The following CSMD2 variants were observed in gnomAD, a reference collection of about 807,000 sequenced individuals.
CSMD2 encodes CUB and sushi domain-containing protein 2.
A neutral mutation model predicts 398.5 loss-of-function variants in CSMD2; 130 were observed. The observed-to-expected ratio is 0.33, with a 90% CI of 0.28 to 0.38. CSMD2 has a LOEUF of 0.38. Among genes scored for constraint, CSMD2 ranks in the 10% least tolerant of loss-of-function variants. The pLI is 1.00. For missense variants in CSMD2, 3,829 were observed against 4,764.9 expected (o/e 0.80, Z 5.78); for synonymous variants, 1,828 against 1,908.5 (o/e 0.96, Z 1.10).
intron 6 of CSMD2, among the ~76,000 whole-genome samples, chr1:33,838,001 G>C (rs1211499015): frequency 6.6e-6 from 1 of 152,222 alleles, no homozygotes; most frequent in Non-Finnish European, 1.5e-5. Context: ...ACTGGGCTGA[G>C]CTAGTGGGAG....
chr1:34,052,116 A>C (rs1007330766), intron 2 of CSMD2, among the ~76,000 whole-genome samples: 3 of 151,812 alleles, frequency 2.0e-5, no homozygotes, highest in African/African-American at 7.3e-5. Context: ...CCAACTGCAG[A>C]TCTCAGTCTT....
chr1:33,570,007 G>A (rs1659439441), intron 51 of CSMD2, among the ~76,000 whole-genome samples: 2 of 152,204 alleles, frequency 1.3e-5, no homozygotes. Context: ...TGTATGAGGT[G>A]AGGCCTAATC....
At chr1:33,979,775 T>A (rs1646099245) in intron 3 of CSMD2, among the ~76,000 whole-genome samples, 1 of 152,060 alleles carries the variant, frequency 6.6e-6, no homozygotes, top group Non-Finnish European at 1.5e-5. Context: ...GATGCAGGGG[T>A]TAAGAGCAGG....
intron 25 of CSMD2, among the ~76,000 whole-genome samples, chr1:33,667,600 G>T (rs1644357734): frequency 6.6e-6 from 1 of 152,176 alleles, no homozygotes; most frequent in Non-Finnish European, 1.5e-5. Context: ...GGCTGGAGAG[G>T]CTCTATCAAT....
intron 28 of CSMD2, among the ~76,000 whole-genome samples, chr1:33,649,896 G>T (rs1043167827): frequency 1.3e-5 from 2 of 152,116 alleles, no homozygotes; most frequent in Non-Finnish European, 2.9e-5. Flanking sequence ...CAGGATGGGG[G>T]ACTGGGAGGC....
At chr1:34,076,928 A>AAAAAAAAAAAAAAAAAAAATATAT (rs1232288848) in intron 2 of CSMD2, among the ~76,000 whole-genome samples, 2 of 53,600 alleles carry the variant, frequency 3.7e-5, no homozygotes, top group African/African-American at 1.7e-4. Flanking sequence ...AAAAAAAAAA[A>AAAAAAAAAAAAAAAAAAAATATAT]ATATATATAT....
rs1198062627 is a variant in CSMD2, at chr1:33,743,370, A to G, written c.2083T>C (p.Ser695Pro). 6.2e-7 allele frequency: 1 copy of G among 1,614,080 alleles called. No individual in the cohort carries two copies. Among genetic ancestry groups the G allele is most frequent in the East Asian group, 2.2e-5 (1 of 44,834 alleles). Reference protein sequence around the residue: ...LGTFSGNQLPSSITSSGHVAR... With the variant: ...LGTFSGNQLPPSITSSGHVAR... ...ACGTGGCCACTGCTTGTGATGGAGG[A>G]GGGAAGCTGGTTTCCTGAGAAGGTG... The change falls in exon 14 of 71, where the codon TCC becomes CCC. Residue 695 changes from serine to proline, a missense_variant. Coordinates refer to ENST00000373381, the MANE Select transcript of CSMD2 (RefSeq NM_001281956.2).
intron 1 of CSMD2, among the ~76,000 whole-genome samples, chr1:34,132,393 A>G (rs1478091224): frequency 6.6e-6 from 1 of 150,600 alleles, no homozygotes. Context: ...CTTCTCTATC[A>G]CCCCTCTTCT....
intron 5 of CSMD2, chr1:33,873,658 CCCCTCTAGT>C (rs1640631685): frequency 6.6e-6 from 1 of 152,206 alleles, no homozygotes; most frequent in Non-Finnish European, 1.5e-5. Flanking sequence ...AGCTTGTCCT[CCCCTCTAGT>C]TGAGCTTTGA....
At chr1:33,699,040 T>C (rs957954543) in intron 23 of CSMD2, 96 bp from the exon 24 acceptor site, 3 of 1,062,280 alleles carry the variant, frequency 2.8e-6, no homozygotes, top group Non-Finnish European at 2.7e-6. Context: ...AAGGAAGCTG[T>C]CTCAGCCACG....
chr1:33,964,150 G>A (rs892864886), intron 3 of CSMD2, among the ~76,000 whole-genome samples: 45 of 152,322 alleles, frequency 3.0e-4, no homozygotes, highest in African/African-American at 1.0e-3. Flanking sequence ...TGAGATTGAA[G>A]TGGTGCCATG....
chr1:33,657,828 T>G, intron 27 of CSMD2, 118 bp downstream of exon 27: 2 of 998,092 alleles, frequency 2.0e-6, no homozygotes, highest in Non-Finnish European at 1.5e-6. Context: ...TTCTGCAACT[T>G]TTGTCTGTTT....
Position 33,537,767 on chromosome 1 carries a change from C to A in CSMD2, c.9632-158G>T, listed in dbSNP as rs552417882. Among the ~76,000 whole-genome samples the A allele has an allele frequency of 6.6e-6, 1 of 152,246 alleles. No homozygotes were observed. Among genetic ancestry groups the A allele is most frequent in the East Asian group, 1.9e-4 (1 of 5,194 alleles). The stretch of plus-strand genomic sequence containing the variant: ...CCCAGGTAGGTGCTTCCACCTGCTG[C>A]GGTGCTGCTGCTGATGGGGGCTTCC... On this transcript the variant is annotated intron_variant, in intron 60 of 70. Coordinates refer to ENST00000373381, the MANE Select transcript of CSMD2 (RefSeq NM_001281956.2). This position sits in a 1 kb window ranked among gnomAD's most constrained non-coding sequence, Gnocchi z 4.6.
At chr1:33,716,070 T>C (rs951692377) in intron 20 of CSMD2, among the ~76,000 whole-genome samples, 2 of 152,146 alleles carry the variant, frequency 1.3e-5, no homozygotes, top group African/African-American at 4.8e-5. Flanking sequence ...AGAATAAGAA[T>C]CCTCAGTGAT....
At chr1:33,720,986 CA>C (rs1258060751) in intron 19 of CSMD2, among the ~76,000 whole-genome samples, 2 of 152,200 alleles carry the variant, frequency 1.3e-5, no homozygotes, top group Non-Finnish European at 2.9e-5. Flanking sequence ...AGGCATGAGC[CA>C]CCGTGCCTGG....
At chr1:33,663,825 AT>A (rs201057859) in intron 25 of CSMD2, among the ~76,000 whole-genome samples, 2 of 152,126 alleles carry the variant, frequency 1.3e-5, no homozygotes, top group African/African-American at 2.4e-5. Context: ...CTGTTAATTA[AT>A]TTTTTTTATT....
rs1659365202 is a variant in CSMD2, at chr1:33,569,369, C to T, written c.8131+5G>A. 3 of 1,612,040 alleles carry T rather than the reference C, an allele frequency of 1.9e-6. No individual in the cohort carries two copies. The highest frequency in any genetic ancestry group is 1.7e-5 in the Admixed American group (1 of 59,862). On this transcript the variant is annotated splice_donor_5th_base_variant and intron_variant, in intron 52 of 70. Coordinates refer to ENST00000373381, the MANE Select transcript of CSMD2 (RefSeq NM_001281956.2). ...GGGCAGGATAGGCCTGCAGAGGTCACTTACCAAGGCAGCGGACTTCAGAGC... is the reference window on the plus strand; with the variant it reads ...GGGCAGGATAGGCCTGCAGAGGTCATTTACCAAGGCAGCGGACTTCAGAGC...
chr1:33,700,138 A>ATT, intron 23 of CSMD2, among the ~76,000 whole-genome samples: 1 of 151,780 alleles, frequency 6.6e-6, no homozygotes, highest in Non-Finnish European at 1.5e-5. Flanking sequence ...CCTCCCAAGT[A>ATT]GCTGGGATTA....
intron 11 of CSMD2, among the ~76,000 whole-genome samples, chr1:33,791,712 T>C (rs1654336692): frequency 6.6e-6 from 1 of 152,190 alleles, no homozygotes; most frequent in African/African-American, 2.4e-5. Context: ...GGTTTTGACC[T>C]CCTGAGCTCA....
Sources: gnomAD v4.1 joint callset for allele counts (sites outside exome capture counted in the v4.1 genomes callset) on GRCh38, gnomAD v4.1.1 for gene constraint, Gnocchi (gnomAD v3.1) non-coding constraint, MANE v1.5 for transcripts, NCBI Gene and HGNC (gene_info 2026-07-23, HGNC 2026-07-21) for gene names.